The following ABCA12 variants were observed in gnomAD, a reference collection of about 807,000 sequenced individuals.
ABCA12 encodes the protein glucosylceramide transporter ABCA12.
ABCA12 carries 156 observed loss-of-function variants against 293.5 expected under a neutral mutation model. The observed-to-expected ratio is 0.53, with a 90% confidence interval of 0.47 to 0.61. The LOEUF is 0.61. ABCA12 is among the 20% of genes least tolerant of loss of function. ABCA12 has a pLI of 0.00. For missense variants in ABCA12, 2,797 were observed against 3,090.2 expected (o/e 0.91, Z 2.25); for synonymous variants, 1,063 against 1,108.0 (o/e 0.96, Z 0.81).
intron 2 of ABCA12, among the ~76,000 whole-genome samples, chr2:215,095,464 C>CTT (rs1702232001): frequency 6.6e-6 from 1 of 152,056 alleles, no homozygotes; most frequent in African/African-American, 2.4e-5. Flanking sequence ...TCTAACAAAC[C>CTT]CACAATATCA....
chr2:215,121,491 GA>G (rs1405456826), intron 1 of ABCA12, among the ~76,000 whole-genome samples: 1 of 152,130 alleles, frequency 6.6e-6, no homozygotes, highest in African/African-American at 2.4e-5. Flanking sequence ...ATGGTAACAA[GA>G]GGATTCCAAG....
In ABCA12 at chr2:215,004,357, T is replaced by A. The variant is rs575729515; in HGVS notation, c.2593-58A>T. The A allele has an allele frequency of 2.1e-5, 27 of 1,314,164 alleles. No homozygotes were observed. In the African/African-American group the frequency reaches 3.8e-4, roughly 18 times the overall value. 81.4% of individuals were successfully genotyped at this position (1,314,164 alleles called of 1,614,324 possible). ...ACAAGAAAAATCATGTTTGACATTG[T>A]CTCTCTAATAACCACCACAGTGAAG... On this transcript the variant is annotated intron_variant, in intron 19 of 52. Transcript: ENST00000272895.
At chr2:214,934,335 TA>T in intron 51 of ABCA12, 120 bp from the exon 52 acceptor site, 1 of 1,124,268 alleles carries the variant, frequency 8.9e-7, no homozygotes, top group African/African-American at 1.5e-5. Context: ...AAAATGATGC[TA>T]CAGTATAAAT....
Position 214,934,064 on chromosome 2 carries a change from G to A in ABCA12, c.7680+14C>T, listed in dbSNP as rs1314762325. 4 of 1,611,348 alleles carry A rather than the reference G, an allele frequency of 2.5e-6. No homozygotes were observed. The highest frequency in any genetic ancestry group is 2.5e-6 in the Non-Finnish European group (3 of 1,177,844). On this transcript the variant is annotated intron_variant, in intron 52 of 52. Transcript: ENST00000272895. ...ATGTGACGTTGTGCACATGGATCGT[G>A]GTATATATCTTACCTCTTCCAGAGT... is the stretch of plus-strand genomic sequence containing the variant.
intron 3 of ABCA12, among the ~76,000 whole-genome samples, chr2:215,056,023 G>A (rs753426860): frequency 3.4e-4 from 51 of 151,944 alleles, no homozygotes; most frequent in Non-Finnish European, 6.3e-4. Flanking sequence ...GAGGACTACT[G>A]AATATCAACA....
At chr2:215,029,064 G>A (rs1481471186) in intron 9 of ABCA12, 3 of 152,156 alleles carry the variant, frequency 2.0e-5, no homozygotes, top group East Asian at 1.9e-4. Context: ...GAAGAGGAGG[G>A]TAGAATAATC....
intron 16 of ABCA12, 88 bp from the exon 17 acceptor site, chr2:215,011,737 T>C: frequency 7.9e-7 from 1 of 1,270,300 alleles, no homozygotes; most frequent in Non-Finnish European, 1.2e-6. Flanking sequence ...TGATAATACT[T>C]AGAGTATCCT....
In ABCA12 at chr2:214,978,999, G is replaced by A. The variant is rs146990068; in HGVS notation, c.4782C>T (p.Ala1594=). 374 of 1,614,002 alleles carry A rather than the reference G, an allele frequency of 2.3e-4. No homozygotes were observed. Among genetic ancestry groups the A allele is most frequent in the African/African-American group, 4.5e-4 (34 of 75,002 alleles). The change falls in exon 32 of 53, where the codon GCC becomes GCT. Residue 1594 remains alanine, a synonymous_variant. Coordinates refer to ENST00000272895, the MANE Select transcript of ABCA12 (RefSeq NM_173076.3). ...LNANAVCDTM[A]VTAMIQSHLP... ...GATGTGATTGGATCATTGCTGTCAC[G>A]GCCATGGTGTCACATACTGCATTTG...
At chr2:214,985,015 G>C (rs895631333) in intron 28 of ABCA12, among the ~76,000 whole-genome samples, 1 of 152,232 alleles carries the variant, frequency 6.6e-6, no homozygotes, top group African/African-American at 2.4e-5. Context: ...GAAAGGTCCT[G>C]TTTTCTAAGC....
chr2:215,112,640 G>C (rs1231613004), intron 1 of ABCA12, among the ~76,000 whole-genome samples: 2 of 151,718 alleles, frequency 1.3e-5, no homozygotes, highest in Admixed American at 6.6e-5. Context: ...TAGGATTACA[G>C]GCACCCGCCA....
chr2:215,119,519 A>G (rs1000897295), intron 1 of ABCA12, among the ~76,000 whole-genome samples: 1 of 152,068 alleles, frequency 6.6e-6, no homozygotes, highest in Non-Finnish European at 1.5e-5. Context: ...ATTCTTCTGC[A>G]TATGGCTGGT....
chr2:214,939,320 A>G (rs941260554), intron 50 of ABCA12, among the ~76,000 whole-genome samples: 3 of 152,044 alleles, frequency 2.0e-5, no homozygotes, highest in African/African-American at 7.2e-5. Flanking sequence ...CCATTGGTCT[A>G]TATATGTGTT....
chr2:215,048,749 A>C (rs111263496), intron 6 of ABCA12, among the ~76,000 whole-genome samples: 12,808 of 152,116 alleles, frequency 0.084, 1,513 homozygotes, highest in African/African-American at 0.27. Flanking sequence ...ACATGGAATC[A>C]ACCTAAATGC....
At chr2:215,045,729 T>C in intron 7 of ABCA12, 108 bp downstream of exon 7, 1 of 1,010,244 alleles carries the variant, frequency 9.9e-7, no homozygotes, top group East Asian at 2.6e-5. Flanking sequence ...GAAGGATTAT[T>C]TGCTCTGTGT....
rs771079417 is a variant in ABCA12, at chr2:214,934,045, C to T, written c.7680+33G>A. The T allele has an allele frequency of 3.1e-5, 49 of 1,594,282 alleles. No individual in the cohort carries two copies. In the East Asian group the frequency reaches 6.7e-4, roughly 22 times the overall value. ...AATGAATAATAATATTAATATGTGA[C>T]GTTGTGCACATGGATCGTGGTATAT... On this transcript the variant is annotated intron_variant, in intron 52 of 52. Transcript: ENST00000272895.
At chr2:214,956,635 T>A (rs767017795) in intron 42 of ABCA12, 28 bp downstream of exon 42, 2 of 1,509,100 alleles carry the variant, frequency 1.3e-6, no homozygotes, top group South Asian at 2.3e-5. Context: ...CTATTAATTC[T>A]TCTTTCATTG....
chr2:215,135,229 G>A (rs1483743873), intron 1 of ABCA12, among the ~76,000 whole-genome samples: 4 of 152,178 alleles, frequency 2.6e-5, no homozygotes, highest in Non-Finnish European at 5.9e-5. Flanking sequence ...AAAGTGCCGG[G>A]ATTACAGGCA....
At chr2:215,083,968 C>T (rs1388658502) in intron 2 of ABCA12, among the ~76,000 whole-genome samples, 1 of 152,002 alleles carries the variant, frequency 6.6e-6, no homozygotes, top group Non-Finnish European at 1.5e-5. Flanking sequence ...ATATCTTTGA[C>T]CTGTACCCAA....
At chr2:214,992,452 A>T (rs1190753216) in intron 23 of ABCA12, among the ~76,000 whole-genome samples, 2 of 97,874 alleles carry the variant, frequency 2.0e-5, no homozygotes, top group African/African-American at 3.9e-5. Context: ...CAAAAAGAAA[A>T]AAAAAAAATG....
Sources: allele counts gnomAD v4.1 joint callset (sites outside exome capture counted in the v4.1 genomes callset), GRCh38; gene constraint gnomAD v4.1.1; transcripts MANE v1.5; gene names NCBI Gene and HGNC (gene_info 2026-07-23, HGNC 2026-07-21).